The following NAPEPLD variants were observed in gnomAD, a reference collection of about 807,000 sequenced individuals.
The protein encoded by NAPEPLD is N-acyl-phosphatidylethanolamine-hydrolyzing phospholipase D.
NAPEPLD carries 23 observed loss-of-function variants against 38.1 expected under a neutral mutation model. The observed-to-expected ratio is 0.60, with a 90% CI of 0.43 to 0.86. The LOEUF (loss-of-function observed/expected upper bound fraction) is 0.86. Among genes scored for constraint, NAPEPLD ranks in the 40% least tolerant of loss-of-function variants. The pLI is 0.00. For synonymous variants in NAPEPLD, 147 were observed against 162.0 expected, an observed-to-expected ratio of 0.91 and a Z score of 0.71; for missense variants, 411 against 476.8, an observed-to-expected ratio of 0.86 and a Z score of 1.28.
Position 103,101,089 on chromosome 7 carries a change from GAA to G in NAPEPLD, c.*2338_*2339del, listed in dbSNP as rs2129525295. 6.6e-6 allele frequency: 1 copy of G among 152,344 alleles called. No homozygotes were observed. The highest frequency in any genetic ancestry group is 2.4e-5 in the African/African-American group (1 of 41,574). 9.4% of individuals were successfully genotyped at this position (152,344 alleles called of 1,614,324 possible). ...AGACATACCTGGCTTGCTTCATAGA[GAA>G]GAGGTAAGAGATGGATTTTCAATTC... On this transcript the variant is annotated 3_prime_UTR_variant, in exon 5 of 5. Transcript: ENST00000465647.
intron 2 of NAPEPLD, chr7:103,128,097 A>G: frequency 5.1e-6 from 1 of 195,146 alleles, no homozygotes. Flanking sequence ...TACCTTCCAG[A>G]GCAGGTAATA....
rs563983960 is a variant in NAPEPLD, at chr7:103,121,837, T to C, written c.295-1614A>G. On this transcript the variant is annotated intron_variant, in intron 2 of 4. Coordinates refer to ENST00000465647, the MANE Select transcript of NAPEPLD (RefSeq NM_001122838.3). ...AGTAGTTAAAATACAGGTCATGTTA[T>C]AGCCTGATAAGAAGGAATGAAGAGC... Among the ~76,000 whole-genome samples, 102 of 152,242 alleles carry C rather than the reference T, an allele frequency of 6.7e-4. 1 individual carries two copies. Among genetic ancestry groups the C allele is most frequent in the Non-Finnish European group, 1.1e-3 (77 of 68,012 alleles).
intron 2 of NAPEPLD, 77 bp from the exon 3 acceptor site, chr7:103,120,300 C>T: frequency 1.4e-6 from 2 of 1,464,044 alleles, no homozygotes; most frequent in Non-Finnish European, 9.1e-7. Context: ...ACATTTTGAC[C>T]TAAATAATGG....
At chr7:103,114,962 G>T in intron 4 of NAPEPLD, 98 bp downstream of exon 4, 1 of 828,102 alleles carries the variant, frequency 1.2e-6, no homozygotes, top group Non-Finnish European at 2.0e-6. Context: ...TGCAGTATCT[G>T]ATTCCAGAGT....
At chr7:103,126,892 T>C (rs1376978922) in intron 2 of NAPEPLD, 1 of 148,598 alleles carries the variant, frequency 6.7e-6, no homozygotes, top group Admixed American at 6.9e-5. Context: ...CCTCCCAAAG[T>C]GTGGGTATTA....
chr7:103,100,664 G>GACTT lies in NAPEPLD; in HGVS notation c.*2761_*2764dup, dbSNP rs1278457314. On this transcript the variant is annotated 3_prime_UTR_variant, in exon 5 of 5. Coordinates refer to ENST00000465647, the MANE Select transcript of NAPEPLD (RefSeq NM_001122838.3). The stretch of plus-strand genomic sequence containing the variant: ...TATTCACGAAGAGGAAAATGAAGTT[G>GACTT]ACTTAGAGGATAAGACTGATTAAAA... 1 of 152,182 alleles carries GACTT rather than the reference G, an allele frequency of 6.6e-6. No individual in the cohort carries two copies. The highest frequency in any genetic ancestry group is 1.5e-5 in the Non-Finnish European group (1 of 68,028). 9.4% of individuals were successfully genotyped at this position (152,182 alleles called of 1,614,324 possible). A position where few individuals can be genotyped will look rare whatever the true frequency, so the allele number is the denominator to read the frequency against.
At chr7:103,131,348 T>C (rs1808899022) in intron 1 of NAPEPLD, among the ~76,000 whole-genome samples, 1 of 152,078 alleles carries the variant, frequency 6.6e-6, no homozygotes. Flanking sequence ...AGTGGTCTAA[T>C]GTAGCTAGGA....
At chr7:103,136,231 C>T (rs1160820269) in intron 1 of NAPEPLD, among the ~76,000 whole-genome samples, 2 of 151,630 alleles carry the variant, frequency 1.3e-5, no homozygotes, top group African/African-American at 4.9e-5. Flanking sequence ...CATGCCACCG[C>T]ACTCCAGCCT....
intron 3 of NAPEPLD, among the ~76,000 whole-genome samples, chr7:103,116,056 CTT>C (rs1563351473): frequency 6.4e-5 from 2 of 31,494 alleles, no homozygotes; most frequent in Non-Finnish European, 2.0e-4. Context: ...CCAGTTTTTT[CTT>C]TTTTTCTTTT....
At position 103,103,479 on chromosome 7, in the gene NAPEPLD, A is replaced by C. The variant is rs144532716; in HGVS notation, c.1132T>G (p.Leu378Val). ...YGLNAEDFFV[L>V]KHGESRYLNN... is the part of the protein sequence containing the mutation. ...AGGTATCTTGATTCTCCATGCTTCA[A>C]GACAAAAAAATCTTCAGCGTTAAGT... The change falls in exon 5 of 5, where the codon TTG (leucine) becomes GTG (valine). Residue 378 changes from leucine (L) to valine (V), a missense_variant. Transcript: ENST00000465647. 51 of 1,597,502 alleles carry C rather than the reference A, an allele frequency of 3.2e-5. No individual in the cohort carries two copies. In the African/African-American group the frequency reaches 6.8e-4, roughly 21 times the overall value.
chr7:103,136,726 A>G lies in NAPEPLD; in HGVS notation c.-16-7934T>C, dbSNP rs368169042. Among the ~76,000 whole-genome samples, 39 of 152,272 alleles carry G rather than the reference A, an allele frequency of 2.6e-4. No individual in the cohort carries two copies. In the East Asian group the frequency reaches 6.9e-3, roughly 27 times the overall value. On this transcript the variant is annotated intron_variant, in intron 1 of 4. Coordinates refer to ENST00000465647, the MANE Select transcript of NAPEPLD (RefSeq NM_001122838.3). ...ATGGCTTTAAAAGCCTAAGTTACTGAATTTTTTTCATTTTTCTTTCCTTAA... is the reference window on the plus strand; with the variant it reads ...ATGGCTTTAAAAGCCTAAGTTACTGGATTTTTTTCATTTTTCTTTCCTTAA...
Position 103,132,320 on chromosome 7 carries a change from A to G in NAPEPLD, c.-16-3528T>C, listed in dbSNP as rs1369116552. 2.0e-5 allele frequency among the ~76,000 whole-genome samples: 3 copies of G among 152,202 alleles called. No homozygotes were observed. In the East Asian group the frequency reaches 5.8e-4, roughly 29 times the overall value. On this transcript the variant is annotated intron_variant, in intron 1 of 4. Coordinates refer to ENST00000465647, the MANE Select transcript of NAPEPLD (RefSeq NM_001122838.3). The stretch of plus-strand genomic sequence containing the variant: ...ATAGCAACCCAGTCAAAAGATGAGG[A>G]GGCAGTGCAATGAGAAGAGAAAAAG...
At chr7:103,135,851 T>G (rs1466696344) in intron 1 of NAPEPLD, among the ~76,000 whole-genome samples, 2 of 152,158 alleles carry the variant, frequency 1.3e-5, no homozygotes, top group African/African-American at 2.4e-5. Context: ...CTAGAGATGT[T>G]AGCTTGCAGG....
At chr7:103,139,245 T>C (rs556254744) in intron 1 of NAPEPLD, among the ~76,000 whole-genome samples, 2 of 152,314 alleles carry the variant, frequency 1.3e-5, no homozygotes, top group African/African-American at 2.4e-5. Flanking sequence ...CAAACATTGT[T>C]AGAATGTCTA....
At chr7:103,138,092 C>T (rs1263266150) in intron 1 of NAPEPLD, among the ~76,000 whole-genome samples, 1 of 151,804 alleles carries the variant, frequency 6.6e-6, no homozygotes, top group Admixed American at 6.6e-5. Flanking sequence ...ATTCTCGTGC[C>T]TCAGCCTCCC....
intron 2 of NAPEPLD, among the ~76,000 whole-genome samples, chr7:103,125,328 A>G (rs1241928234): frequency 6.6e-6 from 1 of 152,240 alleles, no homozygotes; most frequent in Non-Finnish European, 1.5e-5. Context: ...ATCTATCAAA[A>G]TGGCTTAGTA....
At chr7:103,125,940 T>C (rs1031113873) in intron 2 of NAPEPLD, among the ~76,000 whole-genome samples, 8 of 148,116 alleles carry the variant, frequency 5.4e-5, no homozygotes, top group South Asian at 2.1e-4. Context: ...TGAAACAAAT[T>C]CTTGAGGAAA....
chr7:103,146,175 C>T (rs935799918), intron 1 of NAPEPLD, among the ~76,000 whole-genome samples: 1 of 152,018 alleles, frequency 6.6e-6, no homozygotes, highest in Non-Finnish European at 1.5e-5. Flanking sequence ...ATCCGGGTGT[C>T]CTATTAAGAT....
At chr7:103,127,719 A>C (rs1248544445) in intron 2 of NAPEPLD, 1 of 152,190 alleles carries the variant, frequency 6.6e-6, no homozygotes, top group Non-Finnish European at 1.5e-5. Context: ...CAGAAAGTCA[A>C]GCAGATGAAA....
Sources: allele counts gnomAD v4.1 joint callset (sites outside exome capture counted in the v4.1 genomes callset), GRCh38; gene constraint gnomAD v4.1.1; transcripts MANE v1.5; gene names NCBI Gene and HGNC (gene_info 2026-07-23, HGNC 2026-07-21).